The following TJP1 variants were observed in gnomAD, a reference collection of about 807,000 sequenced individuals.
TJP1 encodes tight junction protein 1.
In TJP1, 43 loss-of-function variants were observed where a neutral mutation model predicts 194.2. The observed-to-expected ratio is 0.22, with a 90% CI of 0.17 to 0.29. The LOEUF (loss-of-function observed/expected upper bound fraction) is 0.29, where lower values mean the gene tolerates loss of function less well. Ranked by LOEUF, TJP1 falls within the 10% of genes least tolerant of loss-of-function variation. The probability of loss-of-function intolerance (pLI) is 1.00; values close to 1 mark genes in which losing one functional copy is unlikely to be tolerated. For synonymous variants in TJP1, 801 were observed against 779.0 expected (o/e 1.03, Z -0.47); for missense variants, 1,971 against 2,185.7 (o/e 0.90, Z 1.96).
At chr15:29,733,417 C>A in intron 12 of TJP1, 104 bp from the exon 13 acceptor site, 2 of 815,290 alleles carry the variant, frequency 2.5e-6, no homozygotes. Flanking sequence ...TAATAATATC[C>A]AACAAATTCT....
intron 2 of TJP1, among the ~76,000 whole-genome samples, chr15:29,878,768 C>G (rs930735419): frequency 1.3e-5 from 2 of 152,042 alleles, no homozygotes; most frequent in Non-Finnish European, 2.9e-5. Context: ...TCAGGGAAGC[C>G]GATGTGGGAG....
chr15:29,799,563 C>T (rs2048644787), intron 2 of TJP1, among the ~76,000 whole-genome samples: 1 of 151,750 alleles, frequency 6.6e-6, no homozygotes, highest in Admixed American at 6.6e-5. Context: ...TACAGGCACC[C>T]GCCACCACGC....
intron 1 of TJP1, among the ~76,000 whole-genome samples, chr15:29,820,934 G>A (rs2050288995): frequency 6.6e-6 from 1 of 152,178 alleles, no homozygotes; most frequent in African/African-American, 2.4e-5. Flanking sequence ...AAAAGTTTCA[G>A]AGGCATAGTA....
At chr15:29,775,628 C>T (rs1175893015) in intron 2 of TJP1, among the ~76,000 whole-genome samples, 1 of 152,094 alleles carries the variant, frequency 6.6e-6, no homozygotes, top group Non-Finnish European at 1.5e-5. Flanking sequence ...GACTACTGTA[C>T]ACAAAACCAT....
Position 29,718,350 on chromosome 15 carries a change from T to C in TJP1, c.3792A>G (p.Val1264=). 6.2e-7 allele frequency: 1 copy of C among 1,614,094 alleles called. No individual in the cohort carries two copies. The highest frequency in any genetic ancestry group is 8.5e-7 in the Non-Finnish European group (1 of 1,180,010). The part of the protein sequence containing the change: ...EEDPAMKPQS[V]LTRVKMFENK... ...TTTCAAACATCTTAACTCTGGTGAG[T>C]ACAGACTGTGGCTTCATTGCTGGAT... Residue 1264 remains valine (V), a synonymous_variant, in exon 21 of 28, where the codon GTA becomes GTG. Coordinates refer to ENST00000614355, the MANE Select transcript of TJP1 (RefSeq NM_001330239.4).
chr15:29,957,768 T>C (rs1213621867), intron 1 of TJP1, among the ~76,000 whole-genome samples: 4 of 152,206 alleles, frequency 2.6e-5, no homozygotes, highest in Admixed American at 6.5e-5. Context: ...TTAGGAAAGA[T>C]TGCTCAAAGT....
intron 2 of TJP1, among the ~76,000 whole-genome samples, chr15:29,773,800 C>T (rs1452085427): frequency 6.6e-6 from 1 of 152,176 alleles, no homozygotes; most frequent in African/African-American, 2.4e-5. Context: ...TTAGTTATTT[C>T]AACTTCTTTC....
At chr15:29,881,936 T>TATATATATAG (rs992347519) in intron 2 of TJP1, among the ~76,000 whole-genome samples, 4 of 151,418 alleles carry the variant, frequency 2.6e-5, no homozygotes, top group African/African-American at 9.7e-5. Flanking sequence ...CTTATAAAGA[T>TATATATATAG]ATATATATAG....
chr15:29,775,502 C>T (rs930268863), intron 2 of TJP1, among the ~76,000 whole-genome samples: 1 of 152,068 alleles, frequency 6.6e-6, no homozygotes, highest in Non-Finnish European at 1.5e-5. Context: ...AGGCATTAAA[C>T]TTGTGAGTGG....
At chr15:29,925,576 G>A (rs1449183215) in intron 2 of TJP1, among the ~76,000 whole-genome samples, 1 of 152,102 alleles carries the variant, frequency 6.6e-6, no homozygotes, top group Non-Finnish European at 1.5e-5. Context: ...CAAGAGGCTG[G>A]GACATTATTC....
chr15:29,715,153 G>A (rs566587428), intron 23 of TJP1, among the ~76,000 whole-genome samples: 3 of 151,948 alleles, frequency 2.0e-5, no homozygotes, highest in Admixed American at 1.3e-4. Context: ...GTTCTTGTGG[G>A]TTTTGTTCTG....
intron 16 of TJP1, 128 bp downstream of exon 16, chr15:29,727,809 G>T: frequency 1.5e-6 from 1 of 678,956 alleles, no homozygotes; most frequent in Non-Finnish European, 2.5e-6. Flanking sequence ...TTCAGTAAGG[G>T]CTTAATTTTC....
At position 29,958,642 on chromosome 15, in the gene TJP1, A is replaced by G. The variant is rs561684760; in HGVS notation, c.174-2278T>C. Among the ~76,000 whole-genome samples the G allele has an allele frequency of 9.9e-4, 151 of 152,234 alleles. 1 individual carries two copies. Among genetic ancestry groups the G allele is most frequent in the Admixed American group, 9.3e-3 (142 of 15,290 alleles). On this transcript the variant is annotated intron_variant, in intron 1 of 28. Coordinates refer to the TJP1 transcript ENST00000356107. The stretch of plus-strand genomic sequence containing the variant: ...TGTACATTAACATCTTTATATATGT[A>G]TCCATCACACACGTATATGTACACA...
At chr15:29,872,252 G>A (rs552380668) in intron 2 of TJP1, among the ~76,000 whole-genome samples, 2 of 152,290 alleles carry the variant, frequency 1.3e-5, no homozygotes, top group African/African-American at 2.4e-5. Flanking sequence ...AAGCATACAT[G>A]TGCAAATAAC....
intron 1 of TJP1, among the ~76,000 whole-genome samples, chr15:29,819,977 A>G (rs896274628): frequency 9.9e-5 from 15 of 152,198 alleles, no homozygotes; most frequent in African/African-American, 3.6e-4. Context: ...TCCAAGAACA[A>G]AATCCTGGAA....
At chr15:29,806,731 T>C (rs1440034617) in intron 1 of TJP1, among the ~76,000 whole-genome samples, 1 of 152,198 alleles carries the variant, frequency 6.6e-6, no homozygotes, top group African/African-American at 2.4e-5. Flanking sequence ...TGCCCTTCAA[T>C]GAAGTTTCAA....
intron 22 of TJP1, among the ~76,000 whole-genome samples, chr15:29,717,670 C>CT (rs2042649212): frequency 6.6e-6 from 1 of 152,348 alleles, no homozygotes; most frequent in Admixed American, 6.5e-5. Flanking sequence ...CAATCTGAGT[C>CT]TGTTTCCTCA....
At chr15:29,774,704 C>T (rs2046908125) in intron 2 of TJP1, among the ~76,000 whole-genome samples, 1 of 151,382 alleles carries the variant, frequency 6.6e-6, no homozygotes, top group Admixed American at 6.6e-5. Flanking sequence ...TCGGAACACG[C>T]TAAAAACCAA....
chr15:29,955,150 G>C (rs1045715350), intron 2 of TJP1, among the ~76,000 whole-genome samples: 11 of 151,998 alleles, frequency 7.2e-5, no homozygotes, highest in African/African-American at 2.2e-4. Context: ...TTATAGATAA[G>C]AGATGAAAAA....
Sources: gnomAD v4.1 joint callset for allele counts (sites outside exome capture counted in the v4.1 genomes callset) on GRCh38, gnomAD v4.1.1 for gene constraint, MANE v1.5 for transcripts, NCBI Gene and HGNC (gene_info 2026-07-23, HGNC 2026-07-21) for gene names.